The following RPS24 variants were observed in gnomAD, a reference collection of about 807,000 sequenced individuals.
RPS24 encodes the protein small ribosomal subunit protein eS24.
For missense variants in RPS24, 100 were observed against 162.5 expected, an observed-to-expected ratio of 0.62 and a Z score of 2.09; for synonymous variants, 72 against 55.6, an observed-to-expected ratio of 1.30 and a Z score of -1.31.
intron 4 of RPS24, among the ~76,000 whole-genome samples, chr10:78,052,609 C>G (rs1848110096): frequency 6.6e-6 from 1 of 152,146 alleles, no homozygotes; most frequent in South Asian, 2.1e-4. Context: ...TGCCCTATCT[C>G]CCTTTGGACC....
exon 5 of RPS24, chr10:78,054,893 C>A: frequency 6.5e-7 from 1 of 1,542,438 alleles, no homozygotes; most frequent in South Asian, 1.2e-5. Context: ...TGTCAGCAAC[C>A]TTGACTCTGT....
chr10:78,034,218 C>T (rs1564627933), intron 1 of RPS24: 2 of 532,172 alleles, frequency 3.8e-6, no homozygotes, highest in Non-Finnish European at 6.8e-6. Flanking sequence ...CTGGGAGGCA[C>T]ATCTCGTCTG....
At chr10:78,053,185 AC>A (rs756922834) in intron 4 of RPS24, among the ~76,000 whole-genome samples, 17 of 83,822 alleles carry the variant, frequency 2.0e-4, no homozygotes, top group East Asian at 5.9e-4. Context: ...AACAACAACA[AC>A]AAAAAAAAAA....
downstream of RPS24, chr10:78,040,854 T>C: frequency 3.3e-6 from 2 of 614,630 alleles, no homozygotes; most frequent in South Asian, 3.9e-5. Flanking sequence ...GGTTTATAGC[T>C]TAGGTGGGTT....
chr10:78,040,304 C>G (rs1393126938), intron 5 of RPS24, 79 bp downstream of exon 5: 4 of 1,143,628 alleles, frequency 3.5e-6, no homozygotes, highest in Non-Finnish European at 5.3e-6. Context: ...AAAAGCAGAT[C>G]ATGTGTAGTA....
At position 78,033,919 on chromosome 10, in the gene RPS24, G is replaced by C; in HGVS notation, c.3+15G>C. On this transcript the variant is annotated intron_variant, in intron 1 of 5. Transcript: ENST00000372360. Reference sequence around the variant, plus strand: ...TCGCCATCATGGTGAGTCTCCCTGGGCCCGTGCAGTCATCTGCCGCGTATC... The same window carrying C: ...TCGCCATCATGGTGAGTCTCCCTGGCCCCGTGCAGTCATCTGCCGCGTATC... 1 of 1,613,984 alleles carries C rather than the reference G, an allele frequency of 6.2e-7. No homozygotes were observed. The highest frequency in any genetic ancestry group is 8.5e-7 in the Non-Finnish European group (1 of 1,179,918).
chr10:78,044,826 A>G (rs1848026719), downstream of RPS24, among the ~76,000 whole-genome samples: 1 of 150,994 alleles, frequency 6.6e-6, no homozygotes, highest in Non-Finnish European at 1.5e-5. Context: ...TAAAGAAAAT[A>G]AAACGTTGGA....
At chr10:78,033,959 T>G in intron 1 of RPS24, 55 bp downstream of exon 1, 1 of 1,608,978 alleles carries the variant, frequency 6.2e-7, no homozygotes. Context: ...CCATCCGTGG[T>G]CCCTGGGTCC....
Position 78,033,863 on chromosome 10 carries a change from C to A in RPS24, c.-39C>A. On this transcript the variant is annotated 5_prime_UTR_variant, in exon 1 of 6. Coordinates refer to ENST00000372360, the MANE Select transcript of RPS24 (RefSeq NM_033022.4). ...TATGATTGGCCGGCGAATCGTGGTTCTCTTTTCCTCCTTGGCTGTCTGAAG... is the reference window on the plus strand; with the variant it reads ...TATGATTGGCCGGCGAATCGTGGTTATCTTTTCCTCCTTGGCTGTCTGAAG... The A allele has an allele frequency of 1.2e-6, 2 of 1,613,966 alleles. No individual in the cohort carries two copies. Among genetic ancestry groups the A allele is most frequent in the Non-Finnish European group, 1.7e-6 (2 of 1,179,934 alleles).
At chr10:78,042,032 T>C (rs959648257), downstream of RPS24, among the ~76,000 whole-genome samples, 1 of 152,214 alleles carries the variant, frequency 6.6e-6, no homozygotes, top group African/African-American at 2.4e-5. Context: ...GGTTGTGATA[T>C]TATAGAAAAT....
In RPS24 at chr10:78,033,868, T is replaced by C. The variant is rs1847792843; in HGVS notation, c.-34T>C. 6.2e-7 allele frequency: 1 copy of C among 1,613,918 alleles called. No individual in the cohort carries two copies. Among genetic ancestry groups the C allele is most frequent in the Non-Finnish European group, 8.5e-7 (1 of 1,179,980 alleles). ...TTGGCCGGCGAATCGTGGTTCTCTT[T>C]TCCTCCTTGGCTGTCTGAAGATAGA... is the stretch of plus-strand genomic sequence containing the variant. On this transcript the variant is annotated 5_prime_UTR_variant, in exon 1 of 6. Coordinates refer to ENST00000372360, the MANE Select transcript of RPS24 (RefSeq NM_033022.4).
At chr10:78,039,174 AACT>A (rs1245138869) in intron 4 of RPS24, 1 of 152,190 alleles carries the variant, frequency 6.6e-6, no homozygotes, top group East Asian at 1.9e-4. Context: ...CTGCCAGCAG[AACT>A]ACTCACTAAG....
intron 4 of RPS24, chr10:78,039,384 C>T (rs775253493): frequency 2.6e-5 from 4 of 152,184 alleles, no homozygotes; most frequent in African/African-American, 4.8e-5. Context: ...GAGGAGCTAC[C>T]TGTGGGGACC....
In RPS24 at chr10:78,037,306, T is replaced by TA. The variant is rs780893174; in HGVS notation, c.390+3dup. The TA allele has an allele frequency of 3.0e-5, 48 of 1,591,860 alleles. No homozygotes were observed. The highest frequency in any genetic ancestry group is 4.0e-5 in the Non-Finnish European group (47 of 1,168,560). ...GCCAATGTTGGTGCTGGCAAAAAGG[T>TA]ATAGTTCATTAAGGAAAATATAGAA... On this transcript the variant is annotated splice_region_variant and intron_variant, in intron 4 of 5. Transcript: ENST00000372360.
chr10:78,052,322 G>A (rs981949128), intron 4 of RPS24, among the ~76,000 whole-genome samples: 11 of 152,100 alleles, frequency 7.2e-5, no homozygotes, highest in African/African-American at 2.7e-4. Flanking sequence ...CACCACCCCC[G>A]GCTTAGTTCT....
downstream of RPS24, among the ~76,000 whole-genome samples, chr10:78,042,207 G>A (rs1286906848): frequency 6.6e-6 from 1 of 152,206 alleles, no homozygotes; most frequent in Non-Finnish European, 1.5e-5. Flanking sequence ...TGCATCTGTT[G>A]GGACAGGTAT....
At chr10:78,035,897 GTC>G in intron 3 of RPS24, 177 bp downstream of exon 3, 1 of 635,918 alleles carries the variant, frequency 1.6e-6, no homozygotes, top group Non-Finnish European at 2.8e-6. Flanking sequence ...CAAAATTGAA[GTC>G]TGACATTTGA....
At chr10:78,040,058 A>G in intron 4 of RPS24, 146 bp from the exon 5 acceptor site, 2 of 756,412 alleles carry the variant, frequency 2.6e-6, no homozygotes. Context: ...TGCTCTGTAT[A>G]CAATTGCAAA....
rs1410331261 is a variant in RPS24, at chr10:78,034,072, G to C, written c.3+168G>C. On this transcript the variant is annotated intron_variant, in intron 1 of 5. Transcript: ENST00000372360. ...CTCGGGGCTGTTGGCAGGGCGTCCGGGCTGGCGGGCTGCGCTGTAGACCCG... is the reference window on the plus strand; with the variant it reads ...CTCGGGGCTGTTGGCAGGGCGTCCGCGCTGGCGGGCTGCGCTGTAGACCCG... The C allele has an allele frequency of 1.7e-5, 14 of 810,522 alleles. No homozygotes were observed. The East Asian group carries it at 3.0e-4, about 17-fold the overall frequency. 50.2% of individuals were successfully genotyped at this position (810,522 alleles called of 1,614,324 possible). A position where few individuals can be genotyped will look rare whatever the true frequency, so the allele number is the denominator to read the frequency against.
Sources: gnomAD v4.1 joint callset for allele counts (sites outside exome capture counted in the v4.1 genomes callset) on GRCh38, gnomAD v4.1.1 for gene constraint, MANE v1.5 for transcripts, NCBI Gene and HGNC (gene_info 2026-07-23, HGNC 2026-07-21) for gene names.